Variants in DYM observed in about 807,000 individuals in gnomAD.
The protein encoded by DYM is dymeclin.
Under a neutral mutation model 93.1 loss-of-function variants are expected in DYM, and 78 were observed. The ratio of observed to expected loss-of-function variants is 0.84; its 90% CI spans 0.70 to 1.01. The LOEUF is 1.01. Ranked by LOEUF, DYM falls within the 50% of genes least tolerant of loss-of-function variation. The pLI is 0.00. For synonymous variants in DYM, 321 were observed against 319.7 expected (o/e 1.00, Z -0.04); for missense variants, 789 against 845.0 (o/e 0.93, Z 0.82).
chr18:49,432,084 T>C (rs1419384800), intron 1 of DYM, among the ~76,000 whole-genome samples: 2 of 152,032 alleles, frequency 1.3e-5, no homozygotes, highest in Admixed American at 6.6e-5. Context: ...AAAAGAAATA[T>C]CCTGAAGGCC....
chr18:49,245,656 C>G (rs755143163), intron 13 of DYM, among the ~76,000 whole-genome samples: 7 of 152,310 alleles, frequency 4.6e-5, no homozygotes, highest in Non-Finnish European at 7.3e-5. Flanking sequence ...AATGTGTGCA[C>G]AGTGGGACAC....
At chr18:49,063,618 T>G (rs948368023) in intron 17 of DYM, among the ~76,000 whole-genome samples, 4 of 114,906 alleles carry the variant, frequency 3.5e-5, no homozygotes, top group African/African-American at 1.3e-4. Flanking sequence ...TCTTTCTCTC[T>G]CTTTTTTTTT....
chr18:49,220,240 C>T (rs1183596500), intron 13 of DYM, among the ~76,000 whole-genome samples: 3 of 151,098 alleles, frequency 2.0e-5, no homozygotes, highest in African/African-American at 7.3e-5. Flanking sequence ...AACCACTGCT[C>T]AATGAAATAA....
At chr18:49,309,609 T>A (rs1372848079) in intron 8 of DYM, among the ~76,000 whole-genome samples, 2 of 152,196 alleles carry the variant, frequency 1.3e-5, no homozygotes, top group Non-Finnish European at 2.9e-5. Context: ...TGCTCCAGCC[T>A]GGGCGACAAA....
chr18:49,224,181 C>T (rs2093452903), intron 13 of DYM, among the ~76,000 whole-genome samples: 1 of 151,970 alleles, frequency 6.6e-6, no homozygotes, highest in Non-Finnish European at 1.5e-5. Context: ...AGGTTTCTGG[C>T]ATGCATAAAT....
intron 13 of DYM, among the ~76,000 whole-genome samples, chr18:49,212,447 T>C (rs1013976152): frequency 1.3e-5 from 2 of 152,116 alleles, no homozygotes; most frequent in Non-Finnish European, 2.9e-5. Flanking sequence ...AATTTTAACA[T>C]TTGGGAATGT....
rs1208433804 is a variant in DYM at position 49,178,827 on chromosome 18, A to G, written c.1626-15040T>C. 2.0e-5 allele frequency among the ~76,000 whole-genome samples: 3 copies of G among 152,124 alleles called. No individual in the cohort carries two copies. The East Asian group carries it at 5.8e-4, about 29-fold the overall frequency. On this transcript the variant is annotated intron_variant, in intron 14 of 17. Coordinates refer to ENST00000675505, the MANE Select transcript of DYM (RefSeq NM_001353214.3). ...AATGCCACCATCTCCAGATAATATT[A>G]TAGATCAAATCAAGTTGGGTATAAC...
intron 14 of DYM, among the ~76,000 whole-genome samples, chr18:49,203,871 T>TAAAAAAAAAAA (rs71165370): frequency 5.5e-4 from 35 of 63,530 alleles, no homozygotes; most frequent in East Asian, 2.5e-3. Context: ...TTTAAAAAAG[T>TAAAAAAAAAAA]AAAAAAAAAA....
chr18:49,192,289 CAT>C (rs1433524388), intron 14 of DYM, among the ~76,000 whole-genome samples: 1 of 151,934 alleles, frequency 6.6e-6, no homozygotes, highest in Admixed American at 6.6e-5. Context: ...AATAATATCT[CAT>C]AGAGTTGTTT....
chr18:49,186,275 A>G (rs2090426439), intron 14 of DYM, among the ~76,000 whole-genome samples: 1 of 152,176 alleles, frequency 6.6e-6, no homozygotes, highest in South Asian at 2.1e-4. Flanking sequence ...TAGAGGGAGT[A>G]TATGTTCAAA....
At chr18:49,238,661 AG>A (rs2093943818) in intron 13 of DYM, among the ~76,000 whole-genome samples, 1 of 152,008 alleles carries the variant, frequency 6.6e-6, no homozygotes, top group Non-Finnish European at 1.5e-5. Flanking sequence ...ACCAAGGGGG[AG>A]CTTTAGCTAA....
chr18:49,311,879 TA>T (rs754492886), intron 8 of DYM, among the ~76,000 whole-genome samples: 803 of 136,044 alleles, frequency 5.9e-3, no homozygotes, highest in African/African-American at 0.012. Context: ...GTATAATAAT[TA>T]AAAAAAAAAA....
At chr18:49,153,742 T>C (rs2086079625) in intron 15 of DYM, among the ~76,000 whole-genome samples, 1 of 152,118 alleles carries the variant, frequency 6.6e-6, no homozygotes, top group Admixed American at 6.5e-5. Context: ...TAGAATTCTA[T>C]TAATAATGGC....
intron 15 of DYM, among the ~76,000 whole-genome samples, chr18:49,137,167 C>T (rs150910049): frequency 5.9e-5 from 9 of 152,282 alleles, no homozygotes; most frequent in African/African-American, 9.6e-5. Flanking sequence ...CTATGACCAA[C>T]GTGACAAGTA....
At chr18:49,236,941 CG>C (rs1289361686) in intron 13 of DYM, among the ~76,000 whole-genome samples, 5 of 152,168 alleles carry the variant, frequency 3.3e-5, no homozygotes, top group African/African-American at 1.2e-4. Flanking sequence ...TGTTGCTTAA[CG>C]AAGCTCAAGA....
Position 49,040,064 on chromosome 18 carries a change from A to G in DYM, c.*3991T>C, listed in dbSNP as rs1406658785. The G allele has an allele frequency of 6.6e-6, 1 of 152,256 alleles. No individual in the cohort carries two copies. Among genetic ancestry groups the G allele is most frequent in the Non-Finnish European group, 1.5e-5 (1 of 68,052 alleles). The allele number at this position is 152,256 out of a possible 1,614,324, so 9.4% of individuals were successfully genotyped here. Reference sequence around the variant, plus strand: ...GTAATCTGGTTTCACCTCGGACCACATTCAGGTACTGAGGTGGTTTAGAAG... The same window carrying G: ...GTAATCTGGTTTCACCTCGGACCACGTTCAGGTACTGAGGTGGTTTAGAAG... On this transcript the variant is annotated 3_prime_UTR_variant, in exon 18 of 18. Coordinates refer to ENST00000675505, the MANE Select transcript of DYM (RefSeq NM_001353214.3).
intron 3 of DYM, among the ~76,000 whole-genome samples, chr18:49,383,760 G>A (rs1395180157): frequency 6.6e-6 from 1 of 152,220 alleles, no homozygotes; most frequent in African/African-American, 2.4e-5. Context: ...ACCCGGGTCA[G>A]TGTTTTTTGC....
At chr18:49,056,095 G>T (rs1327558641) in intron 17 of DYM, among the ~76,000 whole-genome samples, 1 of 152,124 alleles carries the variant, frequency 6.6e-6, no homozygotes, top group African/African-American at 2.4e-5. Flanking sequence ...GAAACTTTGG[G>T]GTTTCTCAAG....
chr18:49,148,709 C>T (rs1358076155), intron 15 of DYM, among the ~76,000 whole-genome samples: 1 of 152,160 alleles, frequency 6.6e-6, no homozygotes, highest in African/African-American at 2.4e-5. Context: ...TGGATCATTC[C>T]TCAATTAGCA....
Sources: gnomAD v4.1 joint callset for allele counts (sites outside exome capture counted in the v4.1 genomes callset) on GRCh38, gnomAD v4.1.1 for gene constraint, MANE v1.5 for transcripts, NCBI Gene and HGNC (gene_info 2026-07-23, HGNC 2026-07-21) for gene names.